TSHR: variants seen among roughly 807,000 people sequenced by gnomAD.
The protein encoded by TSHR is thyrotropin receptor.
A neutral mutation model predicts 64.1 loss-of-function variants in TSHR; 51 were observed. The observed-to-expected ratio is 0.80, with a 90% CI of 0.64 to 1.01. TSHR has a LOEUF of 1.01. TSHR is among the 50% of genes least tolerant of loss of function. The pLI is 0.00. For synonymous variants in TSHR, 361 were observed against 361.9 expected (o/e 1.00, Z 0.03); for missense variants, 877 against 942.8 (o/e 0.93, Z 0.91).
At chr14:80,987,190 A>G (rs1888502797) in intron 1 of TSHR, among the ~76,000 whole-genome samples, 1 of 152,210 alleles carries the variant, frequency 6.6e-6, no homozygotes, top group Non-Finnish European at 1.5e-5. Context: ...TCCTTCTGTC[A>G]AATATTACAC....
chr14:81,014,844 C>T (rs1890104137), intron 1 of TSHR, among the ~76,000 whole-genome samples: 1 of 152,132 alleles, frequency 6.6e-6, no homozygotes, highest in Non-Finnish European at 1.5e-5. Context: ...TAGTTTTGGC[C>T]AACTGTAATG....
At chr14:81,098,235 T>A (rs1302632432) in intron 7 of TSHR, among the ~76,000 whole-genome samples, 1 of 152,154 alleles carries the variant, frequency 6.6e-6, no homozygotes, top group Non-Finnish European at 1.5e-5. Context: ...GTGTACCCAA[T>A]CCAAAATATG....
chr14:81,037,923 C>A (rs13353102), intron 1 of TSHR, among the ~76,000 whole-genome samples: 34,772 of 148,844 alleles, frequency 0.23, 4,187 homozygotes, highest in South Asian at 0.32. Flanking sequence ...ATCATCCAAA[C>A]TGAAAATCAG....
chr14:81,067,133 G>A (rs747100265), intron 2 of TSHR, among the ~76,000 whole-genome samples: 13 of 152,008 alleles, frequency 8.6e-5, no homozygotes, highest in African/African-American at 1.7e-4. Flanking sequence ...GGAGTATGTC[G>A]TCAACCTGTG....
intron 1 of TSHR, among the ~76,000 whole-genome samples, chr14:80,997,138 T>C (rs1001419193): frequency 1.3e-5 from 2 of 152,148 alleles, no homozygotes; most frequent in Non-Finnish European, 2.9e-5. Context: ...AACTGGAGGC[T>C]TAAAGAAGTT....
At chr14:81,111,617 C>A (rs1316361484) in intron 8 of TSHR, among the ~76,000 whole-genome samples, 1 of 152,174 alleles carries the variant, frequency 6.6e-6, no homozygotes, top group Non-Finnish European at 1.5e-5. Context: ...AACCTCTTAG[C>A]TCCCTTAATT....
At chr14:81,054,362 G>A (rs1377325664) in intron 1 of TSHR, among the ~76,000 whole-genome samples, 2 of 152,172 alleles carry the variant, frequency 1.3e-5, no homozygotes, top group East Asian at 3.9e-4. Flanking sequence ...TATTAGCAGT[G>A]TGAAAATGGA....
At chr14:81,084,031 G>A (rs60212695) in intron 3 of TSHR, among the ~76,000 whole-genome samples, 1 of 152,056 alleles carries the variant, frequency 6.6e-6, no homozygotes, top group Non-Finnish European at 1.5e-5. Context: ...CAACACGTGG[G>A]GATTACAATT....
intron 3 of TSHR, 78 bp downstream of exon 3, chr14:81,068,406 A>G (rs1019842469): frequency 6.6e-6 from 9 of 1,355,370 alleles, no homozygotes; most frequent in African/African-American, 1.4e-5. Context: ...CCAGATGGCA[A>G]TGGGAGCTGG....
intron 1 of TSHR, among the ~76,000 whole-genome samples, chr14:80,974,402 G>A (rs183418787): frequency 1.2e-3 from 182 of 152,316 alleles, no homozygotes; most frequent in Non-Finnish European, 2.4e-3. Flanking sequence ...TGTGCCAATA[G>A]AGCACATAAA....
chr14:81,127,199 G>A (rs186915305), intron 8 of TSHR, among the ~76,000 whole-genome samples: 2 of 152,288 alleles, frequency 1.3e-5, no homozygotes, highest in Admixed American at 1.3e-4. Context: ...AAATGTGGAT[G>A]GGTACTAAAT....
At chr14:81,085,536 C>T (rs1362834569) in intron 3 of TSHR, among the ~76,000 whole-genome samples, 1 of 152,124 alleles carries the variant, frequency 6.6e-6, no homozygotes, top group Non-Finnish European at 1.5e-5. Context: ...CACATTTCTC[C>T]TCTTCCAGCC....
In TSHR at chr14:81,072,996, C is replaced by CAAAA. The variant is rs1212879309; in HGVS notation, c.317+4680_317+4683dup. Among the ~76,000 whole-genome samples the CAAAA allele has an allele frequency of 3.2e-3, 24 of 7,506 alleles. 1 individual carries two copies. The highest frequency in any genetic ancestry group is 4.2e-3 in the Admixed American group (3 of 722). The allele number at this position is 7,506 out of a possible 152,430, so 4.9% of individuals were successfully genotyped here. On this transcript the variant is annotated intron_variant, in intron 3 of 9. Coordinates refer to ENST00000298171, the MANE Select transcript of TSHR (RefSeq NM_000369.5). ...TGGGCGACAGAGCGAGACTCCGTCT[C>CAAAA]AAAAAAAAAAAAAAATAAAAAATAA... is the stretch of plus-strand genomic sequence containing the variant.
At chr14:81,104,863 A>G in intron 7 of TSHR, 2 of 985,434 alleles carry the variant, frequency 2.0e-6, no homozygotes, top group South Asian at 4.7e-5. Context: ...TCAAAGAGGA[A>G]TAAGACCCCA....
intron 1 of TSHR, among the ~76,000 whole-genome samples, chr14:80,961,279 G>A (rs1887014416): frequency 6.6e-6 from 1 of 152,108 alleles, no homozygotes; most frequent in South Asian, 2.1e-4. Flanking sequence ...CCTGTCTGCA[G>A]GGATCTTACA....
intron 2 of TSHR, among the ~76,000 whole-genome samples, chr14:81,063,199 C>T (rs1886364866): frequency 1.3e-5 from 2 of 152,164 alleles, no homozygotes; most frequent in Non-Finnish European, 2.9e-5. Flanking sequence ...ATTCTTGCCT[C>T]TTTGTTTTCC....
chr14:81,095,989 G>A (rs937426823), intron 6 of TSHR, among the ~76,000 whole-genome samples: 17 of 150,478 alleles, frequency 1.1e-4, no homozygotes, highest in Middle Eastern at 3.4e-3. Flanking sequence ...GCAGTGAGCC[G>A]TGATTGAGCC....
chr14:81,002,781 CTTTTTTTTTTTTT>C (rs1174635270), intron 1 of TSHR, among the ~76,000 whole-genome samples: 4 of 44,324 alleles, frequency 9.0e-5, no homozygotes, highest in Admixed American at 3.6e-4. Context: ...CCTAATGCCT[CTTTTTTTTTTTTT>C]TTTTTTTTTT....
intron 1 of TSHR, among the ~76,000 whole-genome samples, chr14:81,030,507 T>C (rs374409207): frequency 2.0e-5 from 3 of 152,182 alleles, no homozygotes; most frequent in Admixed American, 6.6e-5. Flanking sequence ...AATCTTTTTT[T>C]CTCTCTTTCA....
Sources: allele counts gnomAD v4.1 joint callset (sites outside exome capture counted in the v4.1 genomes callset), GRCh38; gene constraint gnomAD v4.1.1; transcripts MANE v1.5; gene names NCBI Gene and HGNC (gene_info 2026-07-23, HGNC 2026-07-21).